Variants in MAP2K2 observed in about 807,000 individuals in gnomAD.
The protein encoded by MAP2K2 is mitogen-activated protein kinase kinase 2.
MAP2K2 carries 24 observed loss-of-function variants against 43.7 expected under a neutral mutation model. The ratio of observed to expected loss-of-function variants is 0.55; its 90% CI spans 0.40 to 0.77. MAP2K2 has a LOEUF of 0.77. Among genes scored for constraint, MAP2K2 ranks in the 30% least tolerant of loss-of-function variants. The pLI is 0.00. For synonymous variants in MAP2K2, 244 were observed against 239.7 expected (o/e 1.02, Z -0.17); for missense variants, 470 against 566.8 (o/e 0.83, Z 1.73).
rs1410858041 is a variant in MAP2K2, at chr19:4,115,563, C to T, written c.303+1856G>A. Among the ~76,000 whole-genome samples, 3 of 152,274 alleles carry T rather than the reference C, an allele frequency of 2.0e-5. No homozygotes were observed. Among genetic ancestry groups the T allele is most frequent in the Middle Eastern group, 3.4e-3 (1 of 294 alleles). ...GGACCTGAGCTTTCCAAGGCTGCTC[C>T]GGTTTGGAAGAGGCTGCCTGCAGTA... On this transcript the variant is annotated intron_variant, in intron 2 of 10. Coordinates refer to ENST00000262948, the MANE Select transcript of MAP2K2 (RefSeq NM_030662.4). The surrounding 1 kb of genome is among the most constrained non-coding windows in gnomAD (Gnocchi z 4.1).
intron 3 of MAP2K2, chr19:4,102,910 A>G: frequency 1.7e-6 from 2 of 1,148,210 alleles, no homozygotes; most frequent in African/African-American, 1.6e-5. Flanking sequence ...AGGGAAGGGG[A>G]GGGTGAGGGC....
chr19:4,121,273 G>A (rs1223671459), intron 1 of MAP2K2, among the ~76,000 whole-genome samples: 4 of 151,790 alleles, frequency 2.6e-5, no homozygotes, highest in African/African-American at 9.7e-5. Context: ...TCTGCACTGG[G>A]TCAGCCCCTC....
In MAP2K2 at chr19:4,101,063, C is replaced by T. The variant is rs2041001051; in HGVS notation, c.661G>A (p.Asp221Asn). The change falls in exon 6 of 11, where the codon GAC becomes AAC. Residue 221 changes from aspartate to asparagine, a missense_variant. By Grantham distance (23) the Asp-to-Asn change is conservative. This residue lies in a region of MAP2K2 where 200 missense variants were observed against 297.9 expected (regional missense o/e 0.67). Transcript: ENST00000262948. This position sits in a 1 kb window ranked among gnomAD's most constrained non-coding sequence, Gnocchi z 6.3. ...CDFGVSGQLI[D>N]SMANSFVGTR... ...CCCACGAAGGAGTTGGCCATGGAGTCGATGAGCTGGCCGCTCACCCCGAAG... is the reference window on the plus strand; with the variant it reads ...CCCACGAAGGAGTTGGCCATGGAGTTGATGAGCTGGCCGCTCACCCCGAAG... 7 of 1,585,728 alleles carry T rather than the reference C, an allele frequency of 4.4e-6. No individual in the cohort carries two copies. The highest frequency in any genetic ancestry group is 3.6e-5 in the Admixed American group (2 of 55,590).
chr19:4,103,333 C>A, intron 3 of MAP2K2: 1 of 885,334 alleles, frequency 1.1e-6, no homozygotes, highest in Non-Finnish European at 1.4e-6. Flanking sequence ...ACCTGGGGAC[C>A]AAAACCCCCA....
Position 4,094,459 on chromosome 19 carries a change from C to A in MAP2K2, c.1086G>T (p.Met362Ile). The A allele has an allele frequency of 6.4e-7, 1 of 1,564,948 alleles. No homozygotes were observed. Among genetic ancestry groups the A allele is most frequent in the Non-Finnish European group, 8.7e-7 (1 of 1,153,998 alleles). ...ACCCGCTGGCATCACTCACTGTGAG[C>A]ATCTTCAGGTCCGCCCGCTCCGCTG... is the stretch of plus-strand genomic sequence containing the variant. ...KNPAERADLK[M>I]LTNHTFIKRS... The change falls in exon 10 of 11, where the codon ATG becomes ATT. Residue 362 changes from methionine to isoleucine, a missense_variant. Transcript: ENST00000262948.
Position 4,099,336 on chromosome 19 carries a change from C to A in MAP2K2, c.784G>T (p.Val262Phe), listed in dbSNP as rs138873805. The A allele has an allele frequency of 4.3e-6, 7 of 1,610,498 alleles. No individual in the cohort carries two copies. The South Asian group carries it at 5.5e-5, about 13-fold the overall frequency. Residue 262 changes from valine (V) to phenylalanine (F), a missense_variant, in exon 7 of 11, where the codon GTC (valine) becomes TTC (phenylalanine). This residue lies in a region of MAP2K2 where 212 missense variants were observed against 220.8 expected (regional missense o/e 0.96). Transcript: ENST00000262948. Reference sequence around the variant, plus strand: ...GGCGGGGGGATGGGGTACCTTCCGACGGCCAGCTCCACCAGGGACAGGCCC... The same window carrying A: ...GGCGGGGGGATGGGGTACCTTCCGAAGGCCAGCTCCACCAGGGACAGGCCC... ...SMGLSLVELA[V>F]GRYPIPPPDA... is the part of the protein sequence containing the mutation.
At chr19:4,117,677 T>C in intron 1 of MAP2K2, 48 bp from the exon 2 acceptor site, 1 of 1,570,338 alleles carries the variant, frequency 6.4e-7, no homozygotes, top group East Asian at 2.2e-5. Context: ...GGAGACTCCA[T>C]CTGGCCGTTT....
rs1161407396 is a variant in MAP2K2 at position 4,123,803 on chromosome 19, T to C, written c.73A>G (p.Thr25Ala). Residue 25 changes from threonine to alanine, a missense_variant, in exon 1 of 11, where the codon ACC (threonine) becomes GCC (alanine). Transcript: ENST00000262948. ...ACTCACTCGGAGGCGCCCTCGCTGG[T>C]AGGGGATGGGCCCTCGGCGATGGTA... ...NPTIAEGPSPTSEGASEANLV... is the reference protein window; with the variant it reads ...NPTIAEGPSPASEGASEANLV... 2 of 1,563,056 alleles carry C rather than the reference T, an allele frequency of 1.3e-6. No homozygotes were observed. Among genetic ancestry groups the C allele is most frequent in the South Asian group, 1.2e-5 (1 of 84,878 alleles).
At chr19:4,117,027 C>T (rs185056527) in intron 2 of MAP2K2, among the ~76,000 whole-genome samples, 32 of 152,384 alleles carry the variant, frequency 2.1e-4, no homozygotes, top group Admixed American at 1.6e-3. Context: ...CGGTCTGTCA[C>T]TGGCTGAGCC....
At chr19:4,094,813 C>T (rs954499216) in intron 9 of MAP2K2, 31 of 461,528 alleles carry the variant, frequency 6.7e-5, no homozygotes, top group African/African-American at 4.8e-4. Context: ...ACCCCAGGCC[C>T]GGGGCAACAT....
At chr19:4,097,073 A>G (rs1485908037) in intron 8 of MAP2K2, among the ~76,000 whole-genome samples, 1 of 151,364 alleles carries the variant, frequency 6.6e-6, no homozygotes, top group Non-Finnish European at 1.5e-5. Flanking sequence ...GCGCACCTGT[A>G]ATCCCAGCTA....
At chr19:4,105,515 G>C (rs571575180) in intron 3 of MAP2K2, among the ~76,000 whole-genome samples, 2 of 151,960 alleles carry the variant, frequency 1.3e-5, no homozygotes, top group Non-Finnish European at 2.9e-5. Context: ...CTCGTGATCC[G>C]CCCGCCTCGG....
At chr19:4,096,420 C>T (rs1200643154) in intron 8 of MAP2K2, among the ~76,000 whole-genome samples, 2 of 152,212 alleles carry the variant, frequency 1.3e-5, no homozygotes, top group African/African-American at 2.4e-5. Context: ...CACAGAAGGC[C>T]CAGGGAGGTG....
At chr19:4,099,049 G>A in intron 7 of MAP2K2, 152 bp downstream of exon 7, 1 of 674,568 alleles carries the variant, frequency 1.5e-6, no homozygotes, top group Middle Eastern at 4.0e-4. Flanking sequence ...GAAACCCCAG[G>A]ACCATGGGAG....
At chr19:4,090,798 C>G in intron 10 of MAP2K2, 90 bp from the exon 11 acceptor site, 1 of 879,836 alleles carries the variant, frequency 1.1e-6, no homozygotes, top group Non-Finnish European at 1.9e-6. Context: ...GCAGATGGTA[C>G]GGGACAGAAA....
intron 3 of MAP2K2, among the ~76,000 whole-genome samples, chr19:4,105,172 G>A (rs1010452968): frequency 6.7e-6 from 1 of 149,388 alleles, no homozygotes; most frequent in Non-Finnish European, 1.5e-5. Flanking sequence ...GTGTGTGTGT[G>A]TGTGTGTGTG....
chr19:4,117,414 C>T lies in MAP2K2; in HGVS notation c.303+5G>A, dbSNP rs2145079606. On this transcript the variant is annotated splice_donor_5th_base_variant and intron_variant, in intron 2 of 10. Coordinates refer to ENST00000262948, the MANE Select transcript of MAP2K2 (RefSeq NM_030662.4). ...CCCCGACCTCCCCGACCCCGCAGTG[C>T]TCACCTTCCTGGCCATGATGAGGCC... 1 of 1,612,418 alleles carries T rather than the reference C, an allele frequency of 6.2e-7. No individual in the cohort carries two copies.
chr19:4,091,687 C>T (rs1433505759), intron 10 of MAP2K2, among the ~76,000 whole-genome samples: 3 of 140,344 alleles, frequency 2.1e-5, no homozygotes, highest in African/African-American at 8.1e-5. Context: ...CTTGCTCTGT[C>T]GCACAGGCTG....
chr19:4,117,226 G>A (rs1203766296), intron 2 of MAP2K2, among the ~76,000 whole-genome samples, 193 bp downstream of exon 2: 3 of 152,154 alleles, frequency 2.0e-5, no homozygotes, highest in African/African-American at 7.2e-5. Flanking sequence ...GTGTGTGGCT[G>A]GTGTGGCTGG....
Sources: gnomAD v4.1 joint callset for allele counts (sites outside exome capture counted in the v4.1 genomes callset) on GRCh38, gnomAD v4.1.1 for gene constraint, gnomAD v4.1.1 regional missense constraint, Gnocchi (gnomAD v3.1) non-coding constraint, MANE v1.5 for transcripts, NCBI Gene and HGNC (gene_info 2026-07-23, HGNC 2026-07-21) for gene names.